The following ATP11A variants were observed in gnomAD, a reference collection of about 807,000 sequenced individuals.
The protein encoded by ATP11A is phospholipid-transporting ATPase IH.
Under a neutral mutation model 154.4 loss-of-function variants are expected in ATP11A, and 81 were observed. The ratio of observed to expected loss-of-function variants is 0.52; its 90% CI spans 0.44 to 0.63. The LOEUF (loss-of-function observed/expected upper bound fraction) is 0.63. Ranked by LOEUF, ATP11A falls within the 30% of genes least tolerant of loss-of-function variation. The pLI is 0.00. For synonymous variants in ATP11A, 623 were observed against 585.9 expected (o/e 1.06, Z -0.91); for missense variants, 1,316 against 1,474.3 (o/e 0.89, Z 1.76).
chr13:112,881,100 A>G, intron 29 of ATP11A: 1 of 987,452 alleles, frequency 1.0e-6, no homozygotes, highest in Non-Finnish European at 1.2e-6. Context: ...CGCCTCTCCA[A>G]CAGACATGGA....
intron 2 of ATP11A, among the ~76,000 whole-genome samples, chr13:112,802,099 C>A (rs1253683058): frequency 6.6e-6 from 1 of 152,140 alleles, no homozygotes; most frequent in Non-Finnish European, 1.5e-5. Flanking sequence ...CATCCCAGCA[C>A]TTTGGGAGGC....
At position 112,854,401 on chromosome 13, in the gene ATP11A, G is replaced by T. The variant is rs1031257680; in HGVS notation, c.2114G>T (p.Arg705Leu). Reference protein sequence around the residue: ...AATCYACKLFRRNTQLLELTT... With the variant: ...AATCYACKLFLRNTQLLELTT... Reference sequence around the variant, plus strand: ...ACGTGCTACGCCTGCAAGCTCTTCCGCAGGAACACGCAGCTGCTGGAGCTG... The same window carrying T: ...ACGTGCTACGCCTGCAAGCTCTTCCTCAGGAACACGCAGCTGCTGGAGCTG... Residue 705 changes from arginine to leucine, a missense_variant, in exon 19 of 30, where the codon CGC becomes CTC. Physicochemically the swap from Arg to Leu is moderately radical, Grantham distance 102. Transcript: ENST00000375645. The T allele has an allele frequency of 6.2e-6, 10 of 1,613,694 alleles. No homozygotes were observed. The South Asian group carries it at 8.8e-5, about 14-fold the overall frequency.
chr13:112,836,990 C>T (rs976631111), intron 16 of ATP11A, among the ~76,000 whole-genome samples: 2 of 152,236 alleles, frequency 1.3e-5, no homozygotes, highest in Admixed American at 6.5e-5. Context: ...TGGACGACCT[C>T]GTCTCCCCCC....
intron 16 of ATP11A, among the ~76,000 whole-genome samples, chr13:112,840,980 G>A (rs1049500662): frequency 6.6e-6 from 1 of 152,224 alleles, no homozygotes; most frequent in East Asian, 1.9e-4. Flanking sequence ...GCTCTGCCCC[G>A]CCAGGAGCTG....
chr13:112,843,284 G>A (rs569810343), intron 17 of ATP11A, among the ~76,000 whole-genome samples: 10 of 152,132 alleles, frequency 6.6e-5, no homozygotes, highest in East Asian at 3.9e-4. Flanking sequence ...ACGCATGGCC[G>A]GGTGGGCGCG....
At chr13:112,777,187 A>G (rs572403671) in intron 1 of ATP11A, among the ~76,000 whole-genome samples, 8 of 152,052 alleles carry the variant, frequency 5.3e-5, no homozygotes, top group African/African-American at 1.9e-4. Context: ...CCTGTCAGAA[A>G]GCCACACTGC....
intron 1 of ATP11A, among the ~76,000 whole-genome samples, chr13:112,728,278 T>C (rs1890094476): frequency 1.3e-5 from 2 of 152,244 alleles, no homozygotes; most frequent in African/African-American, 2.4e-5. Flanking sequence ...GTTACCTGTA[T>C]GTACCACGTT....
At chr13:112,874,068 C>T (rs1262270287) in intron 27 of ATP11A, among the ~76,000 whole-genome samples, 2 of 152,230 alleles carry the variant, frequency 1.3e-5, no homozygotes, top group African/African-American at 4.8e-5. Context: ...AACCGCCTCC[C>T]ACAACGAGGC....
intron 27 of ATP11A, among the ~76,000 whole-genome samples, chr13:112,874,082 G>A (rs1008755973): frequency 1.3e-5 from 2 of 152,238 alleles, no homozygotes; most frequent in Non-Finnish European, 2.9e-5. Flanking sequence ...ACGAGGCACT[G>A]GCCAGGCATT....
chr13:112,881,919 G>A lies in ATP11A; in HGVS notation c.*53G>A, dbSNP rs1308012069. 2.2e-6 allele frequency: 3 copies of A among 1,367,724 alleles called. No individual in the cohort carries two copies. Among genetic ancestry groups the A allele is most frequent in the South Asian group, 2.3e-5 (2 of 88,044 alleles). 84.7% of individuals were successfully genotyped at this position (1,367,724 alleles called of 1,614,324 possible). On this transcript the variant is annotated 3_prime_UTR_variant, in exon 30 of 30. Transcript: ENST00000375645. ...ACCTGTCCCTCGGCCGCCTGGTACAGCTCCCACTCTCAGCAGGTGACACTC... is the reference window on the plus strand; with the variant it reads ...ACCTGTCCCTCGGCCGCCTGGTACAACTCCCACTCTCAGCAGGTGACACTC...
At chr13:112,842,405 C>A in intron 17 of ATP11A, 26 bp downstream of exon 17, 1 of 1,531,324 alleles carries the variant, frequency 6.5e-7, no homozygotes, top group Non-Finnish European at 8.9e-7. Context: ...GGGAGGGCCT[C>A]GTGGCGGTCA....
intron 1 of ATP11A, among the ~76,000 whole-genome samples, chr13:112,712,245 G>A (rs1277227722): frequency 6.6e-6 from 1 of 152,194 alleles, no homozygotes; most frequent in East Asian, 1.9e-4. Flanking sequence ...ACAATGTGGT[G>A]GTGCCCACGG....
At chr13:112,844,108 A>G (rs2079506543) in intron 17 of ATP11A, among the ~76,000 whole-genome samples, 1 of 152,140 alleles carries the variant, frequency 6.6e-6, no homozygotes, top group South Asian at 2.1e-4. Flanking sequence ...CTCGCTTTCC[A>G]ATAGCGCGAG....
At chr13:112,871,072 C>T (rs574664051) in intron 25 of ATP11A, among the ~76,000 whole-genome samples, 3 of 152,326 alleles carry the variant, frequency 2.0e-5, no homozygotes, top group South Asian at 2.1e-4. Flanking sequence ...TCCTGTCTGC[C>T]GGCTTGTCTT....
intron 1 of ATP11A, among the ~76,000 whole-genome samples, chr13:112,763,759 G>A (rs1246045057): frequency 6.6e-6 from 1 of 152,170 alleles, no homozygotes; most frequent in Non-Finnish European, 1.5e-5. Context: ...CGCCAGTCAG[G>A]AAATCTTTGA....
At chr13:112,871,293 C>T (rs1231349070) in intron 25 of ATP11A, among the ~76,000 whole-genome samples, 1 of 152,240 alleles carries the variant, frequency 6.6e-6, no homozygotes, top group Non-Finnish European at 1.5e-5. Context: ...ACTCAGGCAA[C>T]TGTCTTTTCT....
Position 112,851,095 on chromosome 13 carries a change from G to C in ATP11A, c.1868G>C (p.Gly623Ala), listed in dbSNP as rs1363131447. The C allele has an allele frequency of 1.2e-6, 2 of 1,614,198 alleles. No individual in the cohort carries two copies. Among genetic ancestry groups the C allele is most frequent in the African/African-American group, 1.3e-5 (1 of 75,058 alleles). The change falls in exon 18 of 30, where the codon GGC becomes GCC. Residue 623 changes from glycine (G) to alanine (A), a missense_variant. Around this residue, in one of 5 missense-constraint regions of ATP11A, gnomAD observed 876 missense variants for 1,006.8 expected, o/e 0.87. Coordinates refer to ENST00000375645, the MANE Select transcript of ATP11A (RefSeq NM_015205.3). Reference sequence around the variant, plus strand: ...AGGCTGATCCAAGAAGAATATGAAGGCATTTGTAAGCTGCTGCAGGCTGCC... The same window carrying C: ...AGGCTGATCCAAGAAGAATATGAAGCCATTTGTAAGCTGCTGCAGGCTGCC... ...YKRLIQEEYE[G>A]ICKLLQAAKV...
intron 16 of ATP11A, among the ~76,000 whole-genome samples, chr13:112,840,305 C>A (rs374274746): frequency 1.7e-3 from 178 of 104,410 alleles, no homozygotes; most frequent in Admixed American, 2.7e-3. Context: ...TGCCCTCCAG[C>A]CTCAGCCTCC....
intron 9 of ATP11A, 80 bp from the exon 10 acceptor site, chr13:112,824,264 T>C: frequency 9.2e-7 from 1 of 1,092,304 alleles, no homozygotes; most frequent in South Asian, 1.3e-5. Context: ...GAATTGATTT[T>C]CCCCGCAGCT....
Sources: gnomAD v4.1 joint callset for allele counts (sites outside exome capture counted in the v4.1 genomes callset) on GRCh38, gnomAD v4.1.1 for gene constraint, gnomAD v4.1.1 regional missense constraint, MANE v1.5 for transcripts, NCBI Gene and HGNC (gene_info 2026-07-23, HGNC 2026-07-21) for gene names.